The following CDIN1 variants were observed in gnomAD, a reference collection of about 807,000 sequenced individuals.
CDIN1 encodes the protein CDAN1-interacting nuclease 1.
CDIN1 carries 33 observed loss-of-function variants against 45.3 expected under a neutral mutation model. That is an observed-to-expected ratio of 0.73 (90% CI 0.55 to 0.97). CDIN1 has a LOEUF of 0.97. Ranked by LOEUF, CDIN1 falls within the 50% of genes least tolerant of loss-of-function variation. The pLI is 0.00. For synonymous variants in CDIN1, 118 were observed against 124.4 expected, an observed-to-expected ratio of 0.95 and a Z score of 0.34; for missense variants, 303 against 339.4, an observed-to-expected ratio of 0.89 and a Z score of 0.84.
intron 10 of CDIN1, among the ~76,000 whole-genome samples, chr15:36,740,558 GT>G (rs1411612827): frequency 6.6e-6 from 1 of 152,084 alleles, no homozygotes. Context: ...GCCCACTATG[GT>G]CAAATCTCGT....
At chr15:36,774,504 A>C (rs1450615741) in intron 10 of CDIN1, among the ~76,000 whole-genome samples, 1 of 152,056 alleles carries the variant, frequency 6.6e-6, no homozygotes, top group East Asian at 1.9e-4. Context: ...AAAAAAAAAA[A>C]GTTTTTCTCT....
intron 1 of CDIN1, among the ~76,000 whole-genome samples, chr15:36,610,702 A>G (rs1188597259): frequency 2.0e-5 from 3 of 152,244 alleles, no homozygotes; most frequent in Non-Finnish European, 4.4e-5. Context: ...TGCAAAGGCT[A>G]CTGCCTTAAG....
At chr15:36,768,451 T>C (rs1253180380) in intron 10 of CDIN1, among the ~76,000 whole-genome samples, 2 of 152,210 alleles carry the variant, frequency 1.3e-5, no homozygotes, top group Non-Finnish European at 2.9e-5. Flanking sequence ...GTGGGAAAAT[T>C]TGAACTAGAC....
intron 10 of CDIN1, among the ~76,000 whole-genome samples, chr15:36,772,024 C>G (rs1263117563): frequency 2.0e-5 from 3 of 151,888 alleles, no homozygotes; most frequent in Non-Finnish European, 2.9e-5. Context: ...TAAAAGAAAT[C>G]TGTCAACAGA....
chr15:36,699,678 G>A (rs568168930), intron 8 of CDIN1, among the ~76,000 whole-genome samples: 2 of 152,052 alleles, frequency 1.3e-5, no homozygotes, highest in South Asian at 4.1e-4. Context: ...CTCTATATTT[G>A]TTTTATAAAA....
chr15:36,638,802 C>G (rs534578314), intron 1 of CDIN1, among the ~76,000 whole-genome samples: 12 of 152,214 alleles, frequency 7.9e-5, no homozygotes, highest in Non-Finnish European at 1.8e-4. Context: ...AGCCACATGC[C>G]CCACATTTCA....
At chr15:36,650,932 A>G (rs1263679258) in intron 3 of CDIN1, among the ~76,000 whole-genome samples, 2 of 152,038 alleles carry the variant, frequency 1.3e-5, no homozygotes, top group Non-Finnish European at 2.9e-5. Context: ...GTGTGGTGGC[A>G]CGCTCCTGTA....
chr15:36,627,227 C>A, intron 1 of CDIN1: 1 of 173,116 alleles, frequency 5.8e-6, no homozygotes, highest in South Asian at 1.6e-4. Flanking sequence ...TGGGTAGTGA[C>A]CTTGCAATAG....
chr15:36,742,400 G>C (rs1458820713), intron 10 of CDIN1, among the ~76,000 whole-genome samples: 2 of 151,834 alleles, frequency 1.3e-5, no homozygotes, highest in Non-Finnish European at 2.9e-5. Flanking sequence ...TTTTGCTTTT[G>C]TTTTCTCTTT....
chr15:36,625,787 A>G (rs540464146), intron 1 of CDIN1, among the ~76,000 whole-genome samples: 29 of 152,302 alleles, frequency 1.9e-4, no homozygotes, highest in Admixed American at 1.0e-3. Flanking sequence ...CCTGTTACGT[A>G]AGGATCCCCA....
intron 10 of CDIN1, among the ~76,000 whole-genome samples, chr15:36,756,259 A>C (rs778357866): frequency 9.9e-5 from 15 of 152,192 alleles, no homozygotes; most frequent in East Asian, 1.9e-4. Flanking sequence ...CACATTTGGC[A>C]GTAGGTTTTT....
intron 10 of CDIN1, 130 bp downstream of exon 10, chr15:36,710,091 T>A: frequency 1.8e-6 from 1 of 564,012 alleles, no homozygotes; most frequent in Non-Finnish European, 3.0e-6. Context: ...TTTTGATTAA[T>A]GTATTCATTT....
chr15:36,630,005 A>G (rs891332408), intron 1 of CDIN1, among the ~76,000 whole-genome samples: 1 of 152,230 alleles, frequency 6.6e-6, no homozygotes, highest in Non-Finnish European at 1.5e-5. Context: ...ATCAGAAAAT[A>G]TGGTAATTTA....
rs116756335 is a variant in CDIN1, at chr15:36,698,431, A to G, written c.544+1041A>G. On this transcript the variant is annotated intron_variant, in intron 8 of 10. Transcript: ENST00000566621. ...TTCTCAAGTCACTAAATTAAATTTC[A>G]GTATGTAGAAGCAGCAAGGTTTTTC... Among the ~76,000 whole-genome samples, 1,206 of 152,342 alleles carry G rather than the reference A, an allele frequency of 7.9e-3. 15 individuals are homozygous for G. Among genetic ancestry groups the G allele is most frequent in the African/African-American group, 0.028 (1,160 of 41,574 alleles).
chr15:36,763,284 A>G (rs956334906), intron 10 of CDIN1, among the ~76,000 whole-genome samples: 5 of 152,160 alleles, frequency 3.3e-5, no homozygotes, highest in Non-Finnish European at 5.9e-5. Context: ...GGCTGCATAA[A>G]TGTCTTCTTT....
At chr15:36,635,028 A>G (rs558328775) in intron 1 of CDIN1, among the ~76,000 whole-genome samples, 1 of 152,324 alleles carries the variant, frequency 6.6e-6, no homozygotes, top group East Asian at 1.9e-4. Flanking sequence ...TGACAGCTTT[A>G]TAGGGCTAGA....
chr15:36,629,017 A>C (rs1017128574), intron 1 of CDIN1, among the ~76,000 whole-genome samples: 10 of 152,274 alleles, frequency 6.6e-5, no homozygotes, highest in Admixed American at 2.0e-4. Flanking sequence ...TCCACAAGCT[A>C]AGGAATGCAG....
intron 10 of CDIN1, chr15:36,798,919 A>T (rs1238191711): frequency 6.6e-6 from 1 of 152,202 alleles, no homozygotes; most frequent in Non-Finnish European, 1.5e-5. Context: ...CTGATGGTTG[A>T]TTAACTGGCA....
intron 10 of CDIN1, chr15:36,799,954 T>C (rs1422061116): frequency 4.6e-5 from 7 of 152,202 alleles, no homozygotes; most frequent in Non-Finnish European, 8.8e-5. Context: ...CATCTATCTA[T>C]ATCCAATATA....
Sources: allele counts gnomAD v4.1 joint callset (sites outside exome capture counted in the v4.1 genomes callset), GRCh38; gene constraint gnomAD v4.1.1; transcripts MANE v1.5; gene names NCBI Gene and HGNC (gene_info 2026-07-23, HGNC 2026-07-21).